Variants in FAF1 observed in about 807,000 individuals in gnomAD.
The protein encoded by FAF1 is Fas associated factor 1.
In FAF1, 25 loss-of-function variants were observed where a neutral mutation model predicts 92.5. That is an observed-to-expected ratio of 0.27 (90% confidence interval 0.20 to 0.38). FAF1 has a LOEUF of 0.38. Among genes scored for constraint, FAF1 ranks in the 10% least tolerant of loss-of-function variants. The pLI, the probability that FAF1 is intolerant of heterozygous loss-of-function variation, is 1.00. For missense variants in FAF1, 636 were observed against 793.3 expected, an observed-to-expected ratio of 0.80 and a Z score of 2.38; for synonymous variants, 234 against 273.2, an observed-to-expected ratio of 0.86 and a Z score of 1.42.
intron 4 of FAF1, among the ~76,000 whole-genome samples, chr1:50,778,636 A>ATCT (rs1254450425): frequency 1.2e-4 from 19 of 152,336 alleles, no homozygotes; most frequent in Admixed American, 4.6e-4. Context: ...AAAGTGGATC[A>ATCT]TCTTCCTCAC....
chr1:50,746,740 C>T (rs1659638388), intron 4 of FAF1, among the ~76,000 whole-genome samples: 1 of 152,116 alleles, frequency 6.6e-6, no homozygotes. Context: ...TAAAGAAAAG[C>T]CAAGTGCTGA....
chr1:50,712,517 G>A (rs750250517), intron 6 of FAF1, among the ~76,000 whole-genome samples: 28 of 152,192 alleles, frequency 1.8e-4, no homozygotes, highest in East Asian at 5.8e-4. Context: ...TGAGCCAGGC[G>A]TGGTGGCACA....
At chr1:50,761,437 C>T (rs1262140608) in intron 4 of FAF1, among the ~76,000 whole-genome samples, 1 of 152,168 alleles carries the variant, frequency 6.6e-6, no homozygotes, top group African/African-American at 2.4e-5. Context: ...CAAAAATCCT[C>T]AATCAAATAC....
intron 6 of FAF1, among the ~76,000 whole-genome samples, chr1:50,737,551 G>A (rs968017192): frequency 6.6e-6 from 1 of 152,006 alleles, no homozygotes; most frequent in Non-Finnish European, 1.5e-5. Context: ...TAAACACATG[G>A]ACCATAAGTT....
intron 8 of FAF1, among the ~76,000 whole-genome samples, chr1:50,608,059 G>A (rs1652508307): frequency 1.3e-5 from 2 of 152,254 alleles, no homozygotes; most frequent in Non-Finnish European, 2.9e-5. Flanking sequence ...CCCATAGGCA[G>A]TGTGCTCAGA....
At chr1:50,624,288 T>C (rs1037283503) in intron 8 of FAF1, among the ~76,000 whole-genome samples, 1 of 152,034 alleles carries the variant, frequency 6.6e-6, no homozygotes, top group African/African-American at 2.4e-5. Context: ...GCTGGGATTA[T>C]GGGTGCCAGC....
At chr1:50,825,618 A>G (rs1644089627) in intron 2 of FAF1, among the ~76,000 whole-genome samples, 1 of 152,054 alleles carries the variant, frequency 6.6e-6, no homozygotes, top group Non-Finnish European at 1.5e-5. Flanking sequence ...AGAGAAGGGG[A>G]AAAAAACAAA....
rs1646146739 is a variant in FAF1, at chr1:50,438,810, T to A, written c.*2630A>T. 6.6e-6 allele frequency: 1 copy of A among 152,232 alleles called. No individual in the cohort carries two copies. Among genetic ancestry groups the A allele is most frequent in the Admixed American group, 6.5e-5 (1 of 15,284 alleles). 9.4% of individuals were successfully genotyped at this position (152,232 alleles called of 1,614,324 possible). ...ATCTTACTCTCTTATGTTAAAAAGGTAGATTCCATAAAAGATGCTCTCATT... is the reference window on the plus strand; with the variant it reads ...ATCTTACTCTCTTATGTTAAAAAGGAAGATTCCATAAAAGATGCTCTCATT... On this transcript the variant is annotated 3_prime_UTR_variant, in exon 19 of 19. Coordinates refer to ENST00000396153, the MANE Select transcript of FAF1 (RefSeq NM_007051.3).
intron 4 of FAF1, among the ~76,000 whole-genome samples, chr1:50,759,554 T>C (rs960639678): frequency 6.6e-6 from 1 of 152,106 alleles, no homozygotes; most frequent in African/African-American, 2.4e-5. Context: ...TTTATCATTG[T>C]TGGACATTTG....
chr1:50,947,544 C>T (rs999230952), intron 1 of FAF1, among the ~76,000 whole-genome samples: 2 of 152,172 alleles, frequency 1.3e-5, no homozygotes, highest in African/African-American at 2.4e-5. Context: ...ACATGGTGAA[C>T]AATTTTGACT....
chr1:50,801,538 T>G (rs1301083040), intron 3 of FAF1, 93 bp downstream of exon 3: 3 of 704,624 alleles, frequency 4.3e-6, no homozygotes, highest in African/African-American at 1.8e-5. Context: ...CCCAAATCAA[T>G]GCTCTATTAA....
At chr1:50,902,345 CACT>C (rs896531466) in intron 1 of FAF1, among the ~76,000 whole-genome samples, 4 of 152,228 alleles carry the variant, frequency 2.6e-5, no homozygotes, top group African/African-American at 9.6e-5. Context: ...ACAAAATACA[CACT>C]ACATTTCTTA....
intron 18 of FAF1, among the ~76,000 whole-genome samples, chr1:50,456,774 T>A (rs761421666): frequency 1.5e-4 from 23 of 152,122 alleles, no homozygotes; most frequent in Non-Finnish European, 2.9e-4. Flanking sequence ...TTTAGAACAC[T>A]GAAATTCAGA....
intron 1 of FAF1, among the ~76,000 whole-genome samples, chr1:50,865,810 C>A (rs1432030167): frequency 2.1e-5 from 3 of 143,208 alleles, no homozygotes; most frequent in African/African-American, 7.8e-5. Context: ...GCACATTGTG[C>A]ACATGTACCC....
intron 8 of FAF1, among the ~76,000 whole-genome samples, chr1:50,622,171 A>AT (rs1465684050): frequency 1.3e-4 from 20 of 151,752 alleles, no homozygotes; most frequent in Non-Finnish European, 2.1e-4. Flanking sequence ...TCTCAAAAAA[A>AT]AAAAAATAAA....
At chr1:50,481,667 G>A (rs1326675685) in intron 17 of FAF1, among the ~76,000 whole-genome samples, 1 of 152,178 alleles carries the variant, frequency 6.6e-6, no homozygotes, top group Non-Finnish European at 1.5e-5. Flanking sequence ...ACAAAGTGGT[G>A]AGTGCTATGG....
At chr1:50,830,543 T>A (rs1039247867) in intron 2 of FAF1, among the ~76,000 whole-genome samples, 2 of 151,028 alleles carry the variant, frequency 1.3e-5, no homozygotes, top group Non-Finnish European at 3.0e-5. Flanking sequence ...AACTAATACA[T>A]CTTCTATAAA....
In FAF1 at chr1:50,899,046, TTC is replaced by T. The variant is rs578138025; in HGVS notation, c.46-41051_46-41050del. ...CTGCTCCTCTTTTTTTTCCAGCTTT[TTC>T]TCTGTTTTGTTTTGCATAATTCCTA... On this transcript the variant is annotated intron_variant, in intron 1 of 18. Coordinates refer to ENST00000396153, the MANE Select transcript of FAF1 (RefSeq NM_007051.3). Among the ~76,000 whole-genome samples, 129 of 152,304 alleles carry T rather than the reference TTC, an allele frequency of 8.5e-4. 1 individual carries two copies. The highest frequency in any genetic ancestry group is 2.7e-3 in the African/African-American group (114 of 41,568).
intron 1 of FAF1, among the ~76,000 whole-genome samples, chr1:50,885,312 TCA>T (rs376434464): frequency 1.5e-5 from 2 of 137,440 alleles, no homozygotes; most frequent in Admixed American, 7.1e-5. Context: ...TCTCTCTCTC[TCA>T]CACACACACA....
Sources: allele counts gnomAD v4.1 joint callset (sites outside exome capture counted in the v4.1 genomes callset), GRCh38; gene constraint gnomAD v4.1.1; transcripts MANE v1.5; gene names NCBI Gene and HGNC (gene_info 2026-07-23, HGNC 2026-07-21).